PIP5K1B: variants seen among roughly 807,000 people sequenced by gnomAD.
PIP5K1B encodes the protein phosphatidylinositol-4-phosphate 5-kinase type 1 beta.
In PIP5K1B, 42 loss-of-function variants were observed where a neutral mutation model predicts 67.0. That is an observed-to-expected ratio of 0.63 (90% CI 0.49 to 0.81). The LOEUF is 0.81. Ranked by LOEUF, PIP5K1B falls within the 30% of genes least tolerant of loss-of-function variation. The pLI, the probability that PIP5K1B is intolerant of heterozygous loss-of-function variation, is 0.00. For missense variants in PIP5K1B, 459 were observed against 646.3 expected (o/e 0.71, Z 3.14); for synonymous variants, 214 against 231.4 (o/e 0.92, Z 0.68).
At chr9:68,825,937 T>A (rs1279586585) in intron 4 of PIP5K1B, among the ~76,000 whole-genome samples, 2 of 152,210 alleles carry the variant, frequency 1.3e-5, no homozygotes, top group Admixed American at 1.3e-4. Flanking sequence ...CACTCAGTGT[T>A]CATGGGACAA....
intron 15 of PIP5K1B, among the ~76,000 whole-genome samples, chr9:69,004,356 T>A (rs1403829177): frequency 6.6e-6 from 1 of 151,832 alleles, no homozygotes; most frequent in East Asian, 1.9e-4. Context: ...TGTGTGTGTG[T>A]GTGTGTGTGT....
intron 2 of PIP5K1B, among the ~76,000 whole-genome samples, chr9:68,779,026 T>C (rs2132447355): frequency 6.6e-6 from 1 of 152,170 alleles, no homozygotes; most frequent in Admixed American, 6.5e-5. Flanking sequence ...GGCTTACCAC[T>C]ATCTGAAAAT....
At chr9:68,964,394 G>A (rs2132770114) in intron 14 of PIP5K1B, among the ~76,000 whole-genome samples, 2 of 152,340 alleles carry the variant, frequency 1.3e-5, no homozygotes, top group East Asian at 3.9e-4. Context: ...TCCGATCTTA[G>A]CTATCTCAGA....
chr9:68,945,021 G>A (rs1019308762), intron 14 of PIP5K1B, among the ~76,000 whole-genome samples: 4 of 151,592 alleles, frequency 2.6e-5, no homozygotes, highest in African/African-American at 9.7e-5. Context: ...AAGGTTGGTT[G>A]GTTGGTTTTT....
chr9:68,886,904 T>A (rs1194506874), intron 6 of PIP5K1B, among the ~76,000 whole-genome samples: 1 of 152,162 alleles, frequency 6.6e-6, no homozygotes, highest in Non-Finnish European at 1.5e-5. Flanking sequence ...TCTGGCTCCA[T>A]CCCTTTCAGG....
intron 1 of PIP5K1B, among the ~76,000 whole-genome samples, chr9:68,741,996 A>G (rs1213973605): frequency 6.6e-6 from 1 of 152,246 alleles, no homozygotes; most frequent in Non-Finnish European, 1.5e-5. Flanking sequence ...AGCTGAGGTT[A>G]GAAGAACATG....
rs112039094 is a variant in PIP5K1B, at chr9:68,795,852, T to G, written c.-85-22609T>G. 7.9e-5 allele frequency among the ~76,000 whole-genome samples: 12 copies of G among 152,334 alleles called. 1 individual carries two copies. Among genetic ancestry groups the G allele is most frequent in the African/African-American group, 2.9e-4 (12 of 41,582 alleles). On this transcript the variant is annotated intron_variant, in intron 2 of 15. Coordinates refer to ENST00000265382, the MANE Select transcript of PIP5K1B (RefSeq NM_003558.4). ...AACACAGTCAATCAACCTTGTTCTA[T>G]AATTAGGATGAGAAGTTAAATGACA...
At position 68,964,209 on chromosome 9, in the gene PIP5K1B, G is replaced by A. The variant is rs1186253869; in HGVS notation, c.1502+23419G>A. 7.2e-5 allele frequency: 11 copies of A among 152,158 alleles called. No homozygotes were observed. The East Asian group carries it at 2.1e-3, about 29-fold the overall frequency. 9.4% of individuals were successfully genotyped at this position (152,158 alleles called of 1,614,324 possible). ...CTTATTTGTTTTGAACTTTGAACCTGATAGACACTTAGAAATTCACGTGGT... is the reference window on the plus strand; with the variant it reads ...CTTATTTGTTTTGAACTTTGAACCTAATAGACACTTAGAAATTCACGTGGT... On this transcript the variant is annotated intron_variant, in intron 14 of 15. Coordinates refer to ENST00000265382, the MANE Select transcript of PIP5K1B (RefSeq NM_003558.4).
Position 68,749,037 on chromosome 9 carries a change from G to A in PIP5K1B, c.-86+6380G>A, listed in dbSNP as rs144560463. 9.3e-4 allele frequency among the ~76,000 whole-genome samples: 142 copies of A among 152,274 alleles called. 1 individual carries two copies. The highest frequency in any genetic ancestry group is 6.8e-3 in the Middle Eastern group (2 of 294). Reference sequence around the variant, plus strand: ...CCCCTTGTTAGCCATTTGTCCTTGGGCACATGACTTGAAGTTCCCTCATGG... The same window carrying A: ...CCCCTTGTTAGCCATTTGTCCTTGGACACATGACTTGAAGTTCCCTCATGG... On this transcript the variant is annotated intron_variant, in intron 2 of 15. Transcript: ENST00000265382.
At position 68,853,005 on chromosome 9, in the gene PIP5K1B, A is replaced by G. The variant is rs372437054; in HGVS notation, c.70-10832A>G. Among the ~76,000 whole-genome samples the G allele has an allele frequency of 3.3e-5, 5 of 152,366 alleles. 1 individual carries two copies. The highest frequency in any genetic ancestry group is 1.2e-4 in the African/African-American group (5 of 41,594). ...CAATTGTAGAAAGTTTTGAAGGCCA[A>G]GCAAAGAATTTGGATTCATTTCTAC... On this transcript the variant is annotated intron_variant, in intron 4 of 15. Coordinates refer to ENST00000265382, the MANE Select transcript of PIP5K1B (RefSeq NM_003558.4).
intron 2 of PIP5K1B, among the ~76,000 whole-genome samples, chr9:68,795,490 A>G (rs935607269): frequency 6.6e-6 from 1 of 152,258 alleles, no homozygotes; most frequent in Non-Finnish European, 1.5e-5. Flanking sequence ...AAGGAAAGGG[A>G]CAATAGTTTA....
intron 4 of PIP5K1B, among the ~76,000 whole-genome samples, chr9:68,837,633 G>A (rs1295188527): frequency 1.8e-5 from 2 of 111,070 alleles, no homozygotes; most frequent in Non-Finnish European, 3.7e-5. Flanking sequence ...TTTGACCCAA[G>A]CTTTTATATA....
At chr9:68,834,557 A>G (rs1226770202) in intron 4 of PIP5K1B, among the ~76,000 whole-genome samples, 2 of 152,212 alleles carry the variant, frequency 1.3e-5, no homozygotes, top group Non-Finnish European at 2.9e-5. Flanking sequence ...AGCGTCTGGT[A>G]CAGCATCCAA....
chr9:68,817,015 A>G (rs1399954924), intron 2 of PIP5K1B, among the ~76,000 whole-genome samples: 1 of 152,232 alleles, frequency 6.6e-6, no homozygotes, highest in South Asian at 2.1e-4. Flanking sequence ...AACCTCTAGG[A>G]CAGAGCTAAT....
intron 14 of PIP5K1B, among the ~76,000 whole-genome samples, chr9:68,982,602 C>CA (rs893699454): frequency 1.4e-4 from 20 of 147,174 alleles, no homozygotes; most frequent in Non-Finnish European, 2.3e-4. Flanking sequence ...ACTAAAAATA[C>CA]AAAAAAAAAA....
chr9:68,982,051 A>G (rs946208675), intron 14 of PIP5K1B, among the ~76,000 whole-genome samples: 3 of 152,226 alleles, frequency 2.0e-5, no homozygotes, highest in African/African-American at 4.8e-5. Context: ...ATTACATGCA[A>G]TTAGCCCTCA....
chr9:68,877,967 TCTAC>T (rs1195746835), intron 6 of PIP5K1B, among the ~76,000 whole-genome samples: 7 of 151,928 alleles, frequency 4.6e-5, no homozygotes, highest in Non-Finnish European at 1.5e-5. Flanking sequence ...CTCAGGTGCC[TCTAC>T]CCATCACTAC....
intron 4 of PIP5K1B, among the ~76,000 whole-genome samples, chr9:68,857,886 A>G (rs903331451): frequency 1.3e-4 from 20 of 152,228 alleles, no homozygotes; most frequent in African/African-American, 4.8e-4. Flanking sequence ...TGAAGGAGAA[A>G]TAATAAATAA....
intron 14 of PIP5K1B, among the ~76,000 whole-genome samples, chr9:68,964,858 T>C (rs543337664): frequency 6.6e-6 from 1 of 152,324 alleles, no homozygotes; most frequent in Non-Finnish European, 1.5e-5. Context: ...GGAGGTTGAT[T>C]GATCACAATA....
Sources: gnomAD v4.1 joint callset for allele counts (sites outside exome capture counted in the v4.1 genomes callset) on GRCh38, gnomAD v4.1.1 for gene constraint, MANE v1.5 for transcripts, NCBI Gene and HGNC (gene_info 2026-07-23, HGNC 2026-07-21) for gene names.